Variants in SLC26A3 observed in about 807,000 individuals in gnomAD.
SLC26A3 encodes the protein solute carrier family 26 member 3.
SLC26A3 carries 64 observed loss-of-function variants against 85.6 expected under a neutral mutation model. The observed-to-expected ratio is 0.75, with a 90% CI of 0.61 to 0.92. The LOEUF is 0.92. Among genes scored for constraint, SLC26A3 ranks in the 40% least tolerant of loss-of-function variants. The pLI is 0.00. For synonymous variants in SLC26A3, 349 were observed against 336.0 expected, an observed-to-expected ratio of 1.04 and a Z score of -0.42; for missense variants, 922 against 927.3, an observed-to-expected ratio of 0.99 and a Z score of 0.07.
intron 11 of SLC26A3, among the ~76,000 whole-genome samples, chr7:107,780,153 G>A (rs146463880): frequency 1.6e-3 from 236 of 151,970 alleles, no homozygotes; most frequent in African/African-American, 5.2e-3. Context: ...AGGAGATGGG[G>A]GTTGCTCTTT....
At chr7:107,802,306 G>A (rs905274951) in intron 1 of SLC26A3, among the ~76,000 whole-genome samples, 6 of 151,670 alleles carry the variant, frequency 4.0e-5, no homozygotes, top group Non-Finnish European at 8.8e-5. Flanking sequence ...GTAATGTATG[G>A]GATAAGTACC....
intron 6 of SLC26A3, 93 bp downstream of exon 6, chr7:107,789,431 A>T: frequency 1.5e-6 from 2 of 1,290,628 alleles, no homozygotes; most frequent in Non-Finnish European, 2.2e-6. Context: ...CTGTAGGTAA[A>T]CCCCATGGCA....
In SLC26A3 at chr7:107,765,647, C is replaced by A; in HGVS notation, c.*208G>T. The A allele has an allele frequency of 1.9e-6, 1 of 518,606 alleles. No homozygotes were observed. The highest frequency in any genetic ancestry group is 3.4e-6 in the Non-Finnish European group (1 of 291,636). The allele number at this position is 518,606 out of a possible 1,614,324, so 32.1% of individuals were successfully genotyped here. ...AAATAATTTTCACCCTTTGATAAAG[C>A]TACAAGATATAAAATTTAGAATACT... On this transcript the variant is annotated 3_prime_UTR_variant, in exon 21 of 21. Coordinates refer to ENST00000340010, the MANE Select transcript of SLC26A3 (RefSeq NM_000111.3).
Position 107,791,958 on chromosome 7 carries a change from G to A in SLC26A3, c.272-18C>T. On this transcript the variant is annotated intron_variant, in intron 3 of 20. Transcript: ENST00000340010. ...TGCTAAACCTGTAAACACACAAGCA[G>A]CAGAGCCCTTACTCTGTGCAAGAGG... 7.0e-7 allele frequency: 1 copy of A among 1,420,224 alleles called. No homozygotes were observed. Among genetic ancestry groups the A allele is most frequent in the Non-Finnish European group, 1.0e-6 (1 of 1,003,766 alleles). The allele number at this position is 1,420,224 out of a possible 1,614,324, so 88.0% of individuals were successfully genotyped here.
In SLC26A3 at chr7:107,767,917, A is replaced by C. The variant is rs745802897; in HGVS notation, c.2063-9T>G. ...CTTCTCAATGAAGTCATCTGAAGAG[A>C]AAAAAACAGTAACTTTTAGGAAGAA... On this transcript the variant is annotated splice_polypyrimidine_tract_variant and intron_variant, in intron 18 of 20. Coordinates refer to ENST00000340010, the MANE Select transcript of SLC26A3 (RefSeq NM_000111.3). 13 of 1,612,570 alleles carry C rather than the reference A, an allele frequency of 8.1e-6. No individual in the cohort carries two copies. In the African/African-American group the frequency reaches 1.6e-4, roughly 20 times the overall value.
chr7:107,783,184 CA>C lies in SLC26A3; in HGVS notation c.1119+20del. On this transcript the variant is annotated intron_variant, in intron 9 of 20. Coordinates refer to ENST00000340010, the MANE Select transcript of SLC26A3 (RefSeq NM_000111.3). ...TTATTTAAAGTTGCCCAGTGAGACCCAGTGTAGTTTGTTTACTTACCTGATT... is the reference window on the plus strand; with the variant it reads ...TTATTTAAAGTTGCCCAGTGAGACCCGTGTAGTTTGTTTACTTACCTGATT... The C allele has an allele frequency of 6.2e-7, 1 of 1,614,136 alleles. No homozygotes were observed. The highest frequency in any genetic ancestry group is 8.5e-7 in the Non-Finnish European group (1 of 1,180,012).
At chr7:107,793,932 T>A in intron 2 of SLC26A3, 51 bp from the exon 3 acceptor site, 2 of 1,612,836 alleles carry the variant, frequency 1.2e-6, no homozygotes, top group Non-Finnish European at 1.7e-6. Flanking sequence ...AATTTTAAGT[T>A]TAGTACCTGT....
rs1195047677 is a variant in SLC26A3, at chr7:107,794,609, C to T, written c.-88-12G>A. 1 of 1,276,720 alleles carries T rather than the reference C, an allele frequency of 7.8e-7. No homozygotes were observed. The highest frequency in any genetic ancestry group is 1.1e-6 in the Non-Finnish European group (1 of 875,312). The allele number at this position is 1,276,720 out of a possible 1,614,324, so 79.1% of individuals were successfully genotyped here. ...CAGGTTAAAAATGCCTGAAACCAAA[C>T]AGAGCTTGCTTCTTAAATAACTCAG... On this transcript the variant is annotated splice_polypyrimidine_tract_variant and intron_variant, in intron 1 of 20. Coordinates refer to ENST00000340010, the MANE Select transcript of SLC26A3 (RefSeq NM_000111.3).
At chr7:107,800,709 C>T (rs2051955) in intron 1 of SLC26A3, among the ~76,000 whole-genome samples, 62,580 of 152,048 alleles carry the variant, frequency 0.41, 13,412 homozygotes, top group African/African-American at 0.5. Flanking sequence ...ATATAAATGA[C>T]GTAGACCTAA....
At chr7:107,793,374 T>C (rs1330802810) in intron 3 of SLC26A3, among the ~76,000 whole-genome samples, 1 of 152,106 alleles carries the variant, frequency 6.6e-6, no homozygotes, top group Non-Finnish European at 1.5e-5. Context: ...GATAAAAAAA[T>C]TGTGATATGT....
chr7:107,776,797 G>C, intron 13 of SLC26A3, 91 bp from the exon 14 acceptor site: 8 of 1,103,868 alleles, frequency 7.2e-6, no homozygotes, highest in Non-Finnish European at 1.1e-5. Flanking sequence ...ACCAAAGCAG[G>C]CTCACTTTTC....
intron 1 of SLC26A3, among the ~76,000 whole-genome samples, chr7:107,796,322 G>C (rs1239237396): frequency 2.0e-5 from 3 of 151,994 alleles, no homozygotes; most frequent in African/African-American, 7.2e-5. Flanking sequence ...GCCCAGGCTG[G>C]CCTCAAACTC....
chr7:107,796,763 A>C (rs1461197924), intron 1 of SLC26A3, among the ~76,000 whole-genome samples: 2 of 141,230 alleles, frequency 1.4e-5, no homozygotes, highest in Non-Finnish European at 3.0e-5. Context: ...CTTTGAAGGA[A>C]CCAACCTAGC....
chr7:107,769,335 G>T (rs1412875801), intron 18 of SLC26A3, among the ~76,000 whole-genome samples: 1 of 152,058 alleles, frequency 6.6e-6, no homozygotes, highest in East Asian at 1.9e-4. Flanking sequence ...ATGCCCATCA[G>T]TGATAGACTG....
At chr7:107,774,413 A>C (rs1386606601) in intron 16 of SLC26A3, among the ~76,000 whole-genome samples, 1 of 152,084 alleles carries the variant, frequency 6.6e-6, no homozygotes, top group Non-Finnish European at 1.5e-5. Context: ...TTAGCCAGGC[A>C]TGGTGGCACA....
intron 11 of SLC26A3, among the ~76,000 whole-genome samples, chr7:107,781,694 G>C (rs1268483865): frequency 6.6e-6 from 1 of 152,026 alleles, no homozygotes; most frequent in African/African-American, 2.4e-5. Context: ...TCTCTGCCCT[G>C]CTTGAAGATG....
chr7:107,767,467 G>A (rs1163957000), intron 20 of SLC26A3, 112 bp downstream of exon 20: 3 of 793,664 alleles, frequency 3.8e-6, no homozygotes, highest in Non-Finnish European at 6.5e-6. Flanking sequence ...GAGGCACAGA[G>A]GCTCAAGCAA....
At chr7:107,783,939 A>G (rs1041382414) in intron 8 of SLC26A3, among the ~76,000 whole-genome samples, 1 of 152,220 alleles carries the variant, frequency 6.6e-6, no homozygotes, top group Non-Finnish European at 1.5e-5. Flanking sequence ...GAAACCTTCA[A>G]CTCACAGGGC....
At chr7:107,772,696 T>C (rs1794045961) in intron 17 of SLC26A3, among the ~76,000 whole-genome samples, 1 of 152,198 alleles carries the variant, frequency 6.6e-6, no homozygotes, top group African/African-American at 2.4e-5. Flanking sequence ...GAACCTCTTC[T>C]AGGCACTTAA....
Sources: gnomAD v4.1 joint callset for allele counts (sites outside exome capture counted in the v4.1 genomes callset) on GRCh38, gnomAD v4.1.1 for gene constraint, MANE v1.5 for transcripts, NCBI Gene and HGNC (gene_info 2026-07-23, HGNC 2026-07-21) for gene names.